Variants in RACK1 observed in about 807,000 individuals in gnomAD.
RACK1 encodes small ribosomal subunit protein RACK1.
In RACK1, 3 loss-of-function variants were observed where a neutral mutation model predicts 42.2. The observed-to-expected ratio is 0.07, with a 90% confidence interval of 0.03 to 0.18. The LOEUF (loss-of-function observed/expected upper bound fraction) is 0.18. RACK1 is among the 10% of genes least tolerant of loss of function. The probability of loss-of-function intolerance (pLI) is 1.00; values close to 1 mark genes in which losing one functional copy is unlikely to be tolerated. For missense variants in RACK1, 146 were observed against 403.2 expected, an observed-to-expected ratio of 0.36 and a Z score of 5.46; for synonymous variants, 181 against 154.8, an observed-to-expected ratio of 1.17 and a Z score of -1.25.
rs750846021 is a variant in RACK1 at position 181,237,560 on chromosome 5, G to A, written c.888+49C>T. On this transcript the variant is annotated intron_variant, in intron 7 of 7. Transcript: ENST00000512805. ...CTAGATATACTAACAGAATGAGAGG[G>A]AGAAAATTAACTGGAAGCAGAATCA... 12 of 950,354 alleles carry A rather than the reference G, an allele frequency of 1.3e-5. No homozygotes were observed. The East Asian group carries it at 1.7e-4, about 13-fold the overall frequency. The allele number at this position is 950,354 out of a possible 1,614,324, so 58.9% of individuals were successfully genotyped here.
chr5:181,243,208 G>A (rs572455726), intron 1 of RACK1: 46 of 1,204,904 alleles, frequency 3.8e-5, no homozygotes, highest in South Asian at 8.7e-5. Flanking sequence ...CAGGAACACA[G>A]GGATAGGGAC....
chr5:181,240,530 A>C (rs1759302530), intron 3 of RACK1: 1 of 151,404 alleles, frequency 6.6e-6, no homozygotes, highest in Non-Finnish European at 1.5e-5. Context: ...GCATGATGGC[A>C]CACGCCTGTA....
chr5:181,243,606 C>G, intron 1 of RACK1, 86 bp downstream of exon 1: 2 of 1,497,106 alleles, frequency 1.3e-6, no homozygotes, highest in South Asian at 2.5e-5. Context: ...CACCGGCCTG[C>G]CACACCACAC....
At chr5:181,242,913 C>A in intron 1 of RACK1, 1 of 330,274 alleles carries the variant, frequency 3.0e-6, no homozygotes, top group Non-Finnish European at 5.9e-6. Context: ...TTTCCTGAAA[C>A]TCAGACGAAC....
chr5:181,243,720 GA>G lies in RACK1; in HGVS notation c.80del (p.Phe27SerfsTer4). ...WVTQIATTPQ[F>X]PDMILSASRD... ...GAGAGGCGGAGAGGATCATGTCCGGGAACTGCGGGGTAGTAGCGATCTGGGT... is the reference window on the plus strand; with the variant it reads ...GAGAGGCGGAGAGGATCATGTCCGGGACTGCGGGGTAGTAGCGATCTGGGT... On this transcript the variant is annotated frameshift_variant, in exon 1 of 8. Transcript: ENST00000512805. LOFTEE classifies it high-confidence loss of function. 6.2e-7 allele frequency: 1 copy of G among 1,608,690 alleles called. No individual in the cohort carries two copies. The highest frequency in any genetic ancestry group is 8.5e-7 in the Non-Finnish European group (1 of 1,177,690).
chr5:181,242,769 G>A (rs1759399152), intron 1 of RACK1: 2 of 347,632 alleles, frequency 5.8e-6, no homozygotes, highest in South Asian at 2.1e-5. Flanking sequence ...CCATTGGCCA[G>A]GCTAGTCTCT....
At chr5:181,243,132 C>G in intron 1 of RACK1, 1 of 570,918 alleles carries the variant, frequency 1.8e-6, no homozygotes, top group Middle Eastern at 3.3e-4. Context: ...AGACATGATT[C>G]AAAAGTCAGA....
chr5:181,243,641 G>T, intron 1 of RACK1, 51 bp downstream of exon 1: 1 of 1,546,588 alleles, frequency 6.5e-7, no homozygotes, highest in Non-Finnish European at 8.7e-7. Context: ...ACGACACGCG[G>T]AATCCCCCAG....
At position 181,238,747 on chromosome 5, in the gene RACK1, C is replaced by T. The variant is rs1006818453; in HGVS notation, c.636+320G>A. The T allele has an allele frequency of 3.2e-5, 12 of 375,026 alleles. 2 individuals are homozygous for T. The highest frequency in any genetic ancestry group is 1.7e-4 in the African/African-American group (8 of 47,068). The allele number at this position is 375,026 out of a possible 1,614,324, so 23.2% of individuals were successfully genotyped here. A position where few individuals can be genotyped will look rare whatever the true frequency, so the allele number is the denominator to read the frequency against. ...AACCCGGGAGATGGTTGCAGTGAGC[C>T]GAGATCGCGCCACTGCACTCCAGCC... On this transcript the variant is annotated intron_variant, in intron 5 of 7. Transcript: ENST00000512805.
At position 181,241,600 on chromosome 5, in the gene RACK1, A is replaced by G. The variant is rs1050099239; in HGVS notation, c.321T>C (p.Asp107=). 1 of 1,613,954 alleles carries G rather than the reference A, an allele frequency of 6.2e-7. No homozygotes were observed. Among genetic ancestry groups the G allele is most frequent in the Non-Finnish European group, 8.5e-7 (1 of 1,179,978 alleles). ...CAGAGGAGAAGGCCACACTCAGCAC[A>G]TCCTTGGTATGGCCCACAAATCGCC... is the stretch of plus-strand genomic sequence containing the variant. The part of the protein sequence containing the change: ...TTRRFVGHTK[D]VLSVAFSSDN... The change falls in exon 3 of 8, where the codon GAT becomes GAC. Residue 107 remains aspartate (D), a synonymous_variant. Coordinates refer to ENST00000512805, the MANE Select transcript of RACK1 (RefSeq NM_006098.5).
In RACK1 at chr5:181,237,738, G is replaced by C. The variant is rs372982968; in HGVS notation, c.778-19C>G. 3.8e-5 allele frequency: 48 copies of C among 1,271,916 alleles called. No individual in the cohort carries two copies. Among genetic ancestry groups the C allele is most frequent in the Non-Finnish European group, 7.9e-6 (7 of 883,198 alleles). 78.8% of individuals were successfully genotyped at this position (1,271,916 alleles called of 1,614,324 possible). ...CTAAATCCTGGGGAACAGGGCAAAA[G>C]CAACCTTAAGACTTACCAATCAAGA... On this transcript the variant is annotated intron_variant, in intron 6 of 7. Coordinates refer to ENST00000512805, the MANE Select transcript of RACK1 (RefSeq NM_006098.5).
intron 1 of RACK1, chr5:181,242,819 A>C: frequency 3.0e-6 from 1 of 331,658 alleles, no homozygotes; most frequent in Non-Finnish European, 5.9e-6. Flanking sequence ...TCTGCCTTCC[A>C]AAGTGCTGGG....
At chr5:181,242,467 G>A (rs1282937980) in intron 1 of RACK1, 122 bp from the exon 2 acceptor site, 9 of 695,556 alleles carry the variant, frequency 1.3e-5, no homozygotes, top group East Asian at 8.1e-5. Flanking sequence ...GCTTAAGGAG[G>A]GATGGAAACA....
chr5:181,239,380 AAG>A lies in RACK1; in HGVS notation c.525+105_525+106del, dbSNP rs778215165. 13 of 835,942 alleles carry A rather than the reference AAG, an allele frequency of 1.6e-5. 1 individual carries two copies. The highest frequency in any genetic ancestry group is 8.3e-5 in the African/African-American group (5 of 60,280). The allele number at this position is 835,942 out of a possible 1,614,324, so 51.8% of individuals were successfully genotyped here. ...GGACATCAGACCATGTGACAAGAGAAAGAGTCAACTGAGGGCATCTGCAAAGC... is the reference window on the plus strand; with the variant it reads ...GGACATCAGACCATGTGACAAGAGAAAGTCAACTGAGGGCATCTGCAAAGC... On this transcript the variant is annotated intron_variant, in intron 4 of 7. Coordinates refer to ENST00000512805, the MANE Select transcript of RACK1 (RefSeq NM_006098.5).
intron 2 of RACK1, 175 bp downstream of exon 2, chr5:181,241,999 A>G: frequency 2.5e-6 from 2 of 784,526 alleles, no homozygotes; most frequent in Non-Finnish European, 2.3e-6. Context: ...CACACTCCTC[A>G]GCAATGCTGA....
rs769607577 is a variant in RACK1, at chr5:181,241,495, G to C, written c.426C>G (p.Val142=). ...WNTLGVCKYT[V]QDESHSEWVS... is the part of the protein sequence containing the mutation. ...CCTTGGAGATGGCTCACTTTACCTG[G>C]ACAGTGTATTTGCACACACCCAGGG... The change falls in exon 3 of 8, where the codon GTC becomes GTG. Residue 142 remains valine (V), a synonymous_variant. Coordinates refer to ENST00000512805, the MANE Select transcript of RACK1 (RefSeq NM_006098.5). 55 of 1,611,886 alleles carry C rather than the reference G, an allele frequency of 3.4e-5. No homozygotes were observed. The highest frequency in any genetic ancestry group is 4.3e-5 in the Non-Finnish European group (51 of 1,179,250).
At chr5:181,243,572 G>A in intron 1 of RACK1, 120 bp downstream of exon 1, 7 of 1,421,758 alleles carry the variant, frequency 4.9e-6, no homozygotes, top group African/African-American at 1.4e-5. Flanking sequence ...AGAGAAGTCT[G>A]TCAGTCCCCG....
At chr5:181,237,476 C>A in intron 7 of RACK1, 133 bp downstream of exon 7, 1 of 682,616 alleles carries the variant, frequency 1.5e-6, no homozygotes, top group Non-Finnish European at 2.7e-6. Context: ...AGGGCATCCT[C>A]ATCAACCTGG....
rs1485679545 is a variant in RACK1 at position 181,239,548 on chromosome 5, C to T, written c.464G>A (p.Arg155His). ...AGGGTTGCTGCTGTTGGGCGAGAAGCGGACACAAGACACCCACTCTGAGTG... is the reference window on the plus strand; with the variant it reads ...AGGGTTGCTGCTGTTGGGCGAGAAGTGGACACAAGACACCCACTCTGAGTG... ...ESHSEWVSCV[R>H]FSPNSSNPII... Residue 155 changes from arginine (R) to histidine (H), a missense_variant, in exon 4 of 8, where the codon CGC becomes CAC. By Grantham distance (29) the Arg-to-His change is conservative. Transcript: ENST00000512805. 8.7e-6 allele frequency: 14 copies of T among 1,613,604 alleles called. No homozygotes were observed. The highest frequency in any genetic ancestry group is 2.7e-5 in the African/African-American group (2 of 74,998).
Sources: allele counts gnomAD v4.1 joint callset, GRCh38; gene constraint gnomAD v4.1.1; transcripts MANE v1.5; gene names NCBI Gene and HGNC (gene_info 2026-07-23, HGNC 2026-07-21).